The following NDRG3 variants were observed in gnomAD, a reference collection of about 807,000 sequenced individuals.
The protein encoded by NDRG3 is protein NDRG3.
A neutral mutation model predicts 57.2 loss-of-function variants in NDRG3; 23 were observed. The ratio of observed to expected loss-of-function variants is 0.40; its 90% CI spans 0.29 to 0.57. NDRG3 has a LOEUF of 0.57. Among genes scored for constraint, NDRG3 ranks in the 20% least tolerant of loss-of-function variants. The probability of loss-of-function intolerance (pLI) is 0.42; values close to 1 mark genes in which losing one functional copy is unlikely to be tolerated. For missense variants in NDRG3, 384 were observed against 457.3 expected, an observed-to-expected ratio of 0.84 and a Z score of 1.46; for synonymous variants, 132 against 162.6, an observed-to-expected ratio of 0.81 and a Z score of 1.43.
intron 15 of NDRG3, 90 bp downstream of exon 15, chr20:36,656,269 GT>G (rs1443828884): frequency 5.5e-6 from 7 of 1,263,300 alleles, no homozygotes; most frequent in Non-Finnish European, 6.8e-6. Flanking sequence ...TGCCACAGAG[GT>G]TATATCTCAA....
At chr20:36,707,784 A>G (rs764193240) in intron 2 of NDRG3, among the ~76,000 whole-genome samples, 18 of 152,200 alleles carry the variant, frequency 1.2e-4, no homozygotes, top group Non-Finnish European at 2.1e-4. Context: ...ATTGCAAGTC[A>G]TAAGAGTATA....
intron 3 of NDRG3, among the ~76,000 whole-genome samples, chr20:36,702,271 G>A (rs1248258954): frequency 2.6e-5 from 4 of 151,692 alleles, no homozygotes; most frequent in African/African-American, 7.3e-5. Flanking sequence ...CAAGTAGCAG[G>A]GACCACAGGT....
chr20:36,676,908 A>C (rs916218812), intron 8 of NDRG3, among the ~76,000 whole-genome samples: 2 of 152,252 alleles, frequency 1.3e-5, no homozygotes, highest in African/African-American at 4.8e-5. Context: ...CCGCAGACCC[A>C]GGCCTCCTGC....
Position 36,688,803 on chromosome 20 carries a change from A to C in NDRG3, c.94-19T>G. 1 of 1,587,144 alleles carries C rather than the reference A, an allele frequency of 6.3e-7. No individual in the cohort carries two copies. Among genetic ancestry groups the C allele is most frequent in the East Asian group, 2.2e-5 (1 of 44,752 alleles). On this transcript the variant is annotated intron_variant, in intron 3 of 15. Coordinates refer to ENST00000349004, the MANE Select transcript of NDRG3 (RefSeq NM_032013.4). ...CATGTTCCTGTAACAAGAGAATGTA[A>C]GTTCTCAGAAAAAGCAGAATGAACT...
intron 1 of NDRG3, among the ~76,000 whole-genome samples, chr20:36,728,626 G>A (rs1314448242): frequency 2.0e-5 from 3 of 152,182 alleles, no homozygotes; most frequent in South Asian, 4.1e-4. Flanking sequence ...TTTCAGATTT[G>A]GGATGCTTAA....
intron 3 of NDRG3, among the ~76,000 whole-genome samples, chr20:36,695,703 CA>C (rs921970182): frequency 2.0e-5 from 3 of 152,210 alleles, no homozygotes; most frequent in African/African-American, 7.2e-5. Context: ...AGATGTTTAT[CA>C]ATGACAATGC....
At chr20:36,699,673 G>A (rs1351485904) in intron 3 of NDRG3, among the ~76,000 whole-genome samples, 2 of 151,934 alleles carry the variant, frequency 1.3e-5, no homozygotes, top group African/African-American at 2.4e-5. Context: ...GGTAACTGGT[G>A]GTGGTGGTGG....
chr20:36,662,749 A>G (rs554017141), intron 12 of NDRG3, among the ~76,000 whole-genome samples: 1 of 152,310 alleles, frequency 6.6e-6, no homozygotes, highest in African/African-American at 2.4e-5. Flanking sequence ...CAGGGGAACT[A>G]GGTTTGACTG....
intron 3 of NDRG3, among the ~76,000 whole-genome samples, chr20:36,693,135 TATATATAC>T (rs1209336893): frequency 0.025 from 1,606 of 64,360 alleles, 122 homozygotes; most frequent in Admixed American, 0.042. Flanking sequence ...TATATATATA[TATATATAC>T]ACACACACAC....
intron 1 of NDRG3, among the ~76,000 whole-genome samples, chr20:36,729,938 T>C (rs1985174247): frequency 6.6e-6 from 1 of 152,044 alleles, no homozygotes; most frequent in Non-Finnish European, 1.5e-5. Context: ...GATGGAACTT[T>C]TATTTTTTAT....
At chr20:36,693,240 G>A (rs1159330969) in intron 3 of NDRG3, among the ~76,000 whole-genome samples, 1 of 141,490 alleles carries the variant, frequency 7.1e-6, no homozygotes, top group Admixed American at 7.3e-5. Flanking sequence ...ATATATGTGT[G>A]TATATATATA....
At chr20:36,677,135 C>T (rs116440309) in intron 8 of NDRG3, among the ~76,000 whole-genome samples, 2,623 of 152,282 alleles carry the variant, frequency 0.017, 68 homozygotes, top group African/African-American at 0.06. Context: ...AGCCGGGCCC[C>T]TTCCCAGCTG....
chr20:36,732,301 A>G (rs1156413993), intron 1 of NDRG3, among the ~76,000 whole-genome samples: 1 of 152,206 alleles, frequency 6.6e-6, no homozygotes, highest in African/African-American at 2.4e-5. Context: ...AAACATGTAG[A>G]GGCTTTGGTT....
At chr20:36,699,745 C>T (rs1280223803) in intron 3 of NDRG3, among the ~76,000 whole-genome samples, 1 of 151,492 alleles carries the variant, frequency 6.6e-6, no homozygotes, top group Non-Finnish European at 1.5e-5. Flanking sequence ...GGGGATGAGA[C>T]AGTGAGCTGC....
At chr20:36,700,533 G>A (rs941453385) in intron 3 of NDRG3, 1 of 525,284 alleles carries the variant, frequency 1.9e-6, no homozygotes, top group Non-Finnish European at 3.9e-6. Context: ...CCTGGCTAAG[G>A]AGCTGATTCA....
intron 15 of NDRG3, among the ~76,000 whole-genome samples, chr20:36,654,230 C>A (rs1978457989): frequency 1.3e-5 from 2 of 152,170 alleles, no homozygotes; most frequent in African/African-American, 4.8e-5. Flanking sequence ...GAGCTGACCT[C>A]AACACAGGGA....
At chr20:36,680,955 C>T in intron 7 of NDRG3, 53 bp from the exon 8 acceptor site, 1 of 1,447,282 alleles carries the variant, frequency 6.9e-7, no homozygotes, top group Non-Finnish European at 9.7e-7. Context: ...CACAGTTCTT[C>T]TAAACAGTTG....
rs1190589653 is a variant in NDRG3, at chr20:36,665,081, C to A, written c.775G>T (p.Val259Leu). 3.1e-6 allele frequency: 5 copies of A among 1,613,998 alleles called. No individual in the cohort carries two copies. Among genetic ancestry groups the A allele is most frequent in the Non-Finnish European group, 2.5e-6 (3 of 1,180,012 alleles). ...SKTLKCSTLL[V>L]VGDNSPAVEA... ...ACTGCAGGCGAATTGTCCCCTACCA[C>A]CAGTAAAGTAGAACACCTAGGTAGG... Residue 259 changes from valine (V) to leucine (L), a missense_variant, in exon 12 of 16, where the codon GTG becomes TTG. Physicochemically the swap from Val to Leu is conservative, Grantham distance 32. Transcript: ENST00000349004.
intron 2 of NDRG3, among the ~76,000 whole-genome samples, chr20:36,712,807 G>A (rs1163971496): frequency 1.3e-5 from 2 of 151,342 alleles, no homozygotes; most frequent in East Asian, 1.9e-4. Context: ...TGTTGCCCAG[G>A]GTGGTCTCCA....
Sources: gnomAD v4.1 joint callset for allele counts (sites outside exome capture counted in the v4.1 genomes callset) on GRCh38, gnomAD v4.1.1 for gene constraint, MANE v1.5 for transcripts, NCBI Gene and HGNC (gene_info 2026-07-23, HGNC 2026-07-21) for gene names.